Variants in BBX observed in about 807,000 individuals in gnomAD.
The protein encoded by BBX is BBX high mobility group box domain containing, also known as HMG box transcription factor BBX.
BBX carries 30 observed loss-of-function variants against 100.2 expected under a neutral mutation model. The ratio of observed to expected loss-of-function variants is 0.30; its 90% CI spans 0.22 to 0.41. The LOEUF (loss-of-function observed/expected upper bound fraction) is 0.41. Ranked by LOEUF, BBX falls within the 10% of genes least tolerant of loss-of-function variation. BBX has a pLI of 1.00. For missense variants in BBX, 1,023 were observed against 1,129.8 expected (o/e 0.91, Z 1.35); for synonymous variants, 376 against 388.1 (o/e 0.97, Z 0.37).
chr3:107,780,846 T>G (rs2067805035), intron 13 of BBX, among the ~76,000 whole-genome samples: 1 of 152,012 alleles, frequency 6.6e-6, no homozygotes, highest in Non-Finnish European at 1.5e-5. Flanking sequence ...GATTATTTTC[T>G]TAGACTCTAG....
chr3:107,659,742 T>C (rs923877518), intron 3 of BBX: 5 of 1,284,810 alleles, frequency 3.9e-6, no homozygotes, highest in Admixed American at 4.6e-5. Context: ...TTTACATTCA[T>C]GTGCATGAAT....
At chr3:107,649,011 C>T (rs117938682) in intron 3 of BBX, among the ~76,000 whole-genome samples, 3 of 152,206 alleles carry the variant, frequency 2.0e-5, no homozygotes, top group Non-Finnish European at 4.4e-5. Flanking sequence ...TTAATGGACT[C>T]ACCGTTTCAC....
chr3:107,723,899 G>T (rs1364789219), intron 5 of BBX, among the ~76,000 whole-genome samples: 1 of 152,174 alleles, frequency 6.6e-6, no homozygotes. Flanking sequence ...ATAGCAGCAC[G>T]ATTTATATTC....
Position 107,675,350 on chromosome 3 carries a change from G to A in BBX, c.-10+29441G>A, listed in dbSNP as rs142870750. Among the ~76,000 whole-genome samples, 370 of 152,256 alleles carry A rather than the reference G, an allele frequency of 2.4e-3. 1 individual carries two copies. The highest frequency in any genetic ancestry group is 4.2e-3 in the Non-Finnish European group (286 of 68,012). On this transcript the variant is annotated intron_variant, in intron 3 of 17. Coordinates refer to ENST00000325805, the MANE Select transcript of BBX (RefSeq NM_001142568.3). ...TTTGAGCACCTGCGGAGGAAATCGT[G>A]CTCCCTCAGCCTCAGCTAGTTTAAG...
chr3:107,792,531 A>G (rs2069169976), intron 15 of BBX, among the ~76,000 whole-genome samples: 1 of 152,234 alleles, frequency 6.6e-6, no homozygotes, highest in Non-Finnish European at 1.5e-5. Flanking sequence ...TTTAGTAGGC[A>G]TCATTTACAT....
chr3:107,632,961 G>A (rs1442209000), intron 2 of BBX, among the ~76,000 whole-genome samples: 2 of 152,068 alleles, frequency 1.3e-5, no homozygotes, highest in African/African-American at 2.4e-5. Flanking sequence ...AAAAAACAAC[G>A]ACAACCAAAA....
At chr3:107,734,725 T>C (rs975493574) in intron 7 of BBX, among the ~76,000 whole-genome samples, 2 of 152,188 alleles carry the variant, frequency 1.3e-5, no homozygotes, top group African/African-American at 4.8e-5. Flanking sequence ...GTAGAACTCA[T>C]GGATGCTAGT....
chr3:107,532,377 A>G (rs1488653933), intron 2 of BBX, among the ~76,000 whole-genome samples: 3 of 152,230 alleles, frequency 2.0e-5, no homozygotes, highest in Non-Finnish European at 2.9e-5. Flanking sequence ...GAATGGTGCT[A>G]TAATGAAAAC....
At chr3:107,704,382 T>C (rs2061268086) in intron 3 of BBX, among the ~76,000 whole-genome samples, 3 of 152,202 alleles carry the variant, frequency 2.0e-5, no homozygotes, top group Admixed American at 6.5e-5. Context: ...TGATGGCACC[T>C]GCACTCTGAA....
chr3:107,697,071 G>A (rs1264367212), intron 3 of BBX, among the ~76,000 whole-genome samples: 11 of 151,378 alleles, frequency 7.3e-5, no homozygotes, highest in Non-Finnish European at 1.5e-4. Context: ...GCACTTCTCT[G>A]TATTGGTTAT....
chr3:107,532,422 A>C (rs2048225536), intron 2 of BBX, among the ~76,000 whole-genome samples: 1 of 152,206 alleles, frequency 6.6e-6, no homozygotes, highest in South Asian at 2.1e-4. Flanking sequence ...GGAAAATTGT[A>C]AATTATGGTA....
chr3:107,550,379 G>A (rs940478443), intron 2 of BBX, among the ~76,000 whole-genome samples: 3 of 152,130 alleles, frequency 2.0e-5, no homozygotes, highest in Admixed American at 6.6e-5. Flanking sequence ...AAGTCCTCAT[G>A]GAAACTTGAA....
At chr3:107,658,782 A>G (rs1048877578) in intron 3 of BBX, among the ~76,000 whole-genome samples, 4 of 152,082 alleles carry the variant, frequency 2.6e-5, no homozygotes, top group Non-Finnish European at 4.4e-5. Flanking sequence ...TGTAGGTGTC[A>G]TTATTCCCAT....
intron 2 of BBX, among the ~76,000 whole-genome samples, chr3:107,574,048 T>G (rs1167006396): frequency 6.6e-6 from 1 of 152,246 alleles, no homozygotes; most frequent in Non-Finnish European, 1.5e-5. Flanking sequence ...ATAAGTATTC[T>G]TATGTTTGTT....
At chr3:107,527,904 G>A (rs2047891093) in intron 2 of BBX, among the ~76,000 whole-genome samples, 1 of 152,146 alleles carries the variant, frequency 6.6e-6, no homozygotes, top group Non-Finnish European at 1.5e-5. Flanking sequence ...CATTTATACT[G>A]TTAGGCACAT....
chr3:107,716,542 C>CT (rs1276835120), intron 4 of BBX, 65 bp from the exon 5 acceptor site: 2 of 1,567,056 alleles, frequency 1.3e-6, no homozygotes, highest in Non-Finnish European at 8.7e-7. Context: ...CAAACCAAGA[C>CT]TAACTGTTAA....
intron 2 of BBX, among the ~76,000 whole-genome samples, chr3:107,529,991 T>C (rs1049286255): frequency 6.6e-6 from 1 of 152,192 alleles, no homozygotes; most frequent in African/African-American, 2.4e-5. Flanking sequence ...CCATGAAGCA[T>C]TGATATTACC....
At chr3:107,548,917 G>T (rs1041964547) in intron 2 of BBX, among the ~76,000 whole-genome samples, 3 of 152,128 alleles carry the variant, frequency 2.0e-5, no homozygotes, top group Non-Finnish European at 4.4e-5. Context: ...CATTCTCTCA[G>T]TTATAAGTGG....
In BBX at chr3:107,601,919, CTT is replaced by C. The variant is rs2054094476; in HGVS notation, c.-83-43913_-83-43912del. ...AAGAGCTTCAAAGGACAGGCTGACT[CTT>C]TTTAGGTGCTAATGCAGCTGGTGAT... On this transcript the variant is annotated intron_variant, in intron 2 of 17. Coordinates refer to ENST00000325805, the MANE Select transcript of BBX (RefSeq NM_001142568.3). Among the ~76,000 whole-genome samples the C allele has an allele frequency of 1.3e-5, 2 of 152,216 alleles. 1 individual carries two copies. Among genetic ancestry groups the C allele is most frequent in the African/African-American group, 4.8e-5 (2 of 41,456 alleles).
Sources: allele counts gnomAD v4.1 joint callset (sites outside exome capture counted in the v4.1 genomes callset), GRCh38; gene constraint gnomAD v4.1.1; transcripts MANE v1.5; gene names NCBI Gene and HGNC (gene_info 2026-07-23, HGNC 2026-07-21).